SGCE: variants seen among roughly 807,000 people sequenced by gnomAD.
SGCE encodes the protein sarcoglycan epsilon.
Under a neutral mutation model 57.8 loss-of-function variants are expected in SGCE, and 26 were observed. The ratio of observed to expected loss-of-function variants is 0.45; its 90% CI spans 0.33 to 0.62. The LOEUF (loss-of-function observed/expected upper bound fraction) is 0.62, where lower values mean the gene tolerates loss of function less well. Among genes scored for constraint, SGCE ranks in the 20% least tolerant of loss-of-function variants. The pLI is 0.02. For synonymous variants in SGCE, 183 were observed against 189.5 expected (o/e 0.97, Z 0.28); for missense variants, 468 against 548.6 (o/e 0.85, Z 1.47).
At chr7:94,611,118 C>T (rs929403901) in intron 5 of SGCE, among the ~76,000 whole-genome samples, 4 of 152,104 alleles carry the variant, frequency 2.6e-5, no homozygotes, top group African/African-American at 9.7e-5. Flanking sequence ...ACAGAGTTAC[C>T]ATATGACCCA....
At chr7:94,652,441 T>C (rs1348854907) in intron 1 of SGCE, among the ~76,000 whole-genome samples, 1 of 152,200 alleles carries the variant, frequency 6.6e-6, no homozygotes, top group Non-Finnish European at 1.5e-5. Flanking sequence ...ATCTGAATAT[T>C]TGACTTGGGA....
chr7:94,606,315 GCAGGAGGAGCTATATTAATTT>G (rs1245218563), intron 5 of SGCE, among the ~76,000 whole-genome samples: 2 of 152,278 alleles, frequency 1.3e-5, no homozygotes, highest in South Asian at 2.1e-4. Context: ...TAACTAAAAA[GCAGGAGGAGCTATATTAATTT>G]CAGACAGAGC....
At chr7:94,625,676 T>C (rs1161761007) in intron 3 of SGCE, 1 of 152,172 alleles carries the variant, frequency 6.6e-6, no homozygotes, top group Non-Finnish European at 1.5e-5. Context: ...TTTTTTTTAA[T>C]TGAACATTGT....
At chr7:94,633,671 T>TA (rs1805084087) in intron 1 of SGCE, among the ~76,000 whole-genome samples, 1 of 152,180 alleles carries the variant, frequency 6.6e-6, no homozygotes, top group Non-Finnish European at 1.5e-5. Context: ...TGTTTTCCTT[T>TA]ACTAATAGTC....
intron 9 of SGCE, among the ~76,000 whole-genome samples, chr7:94,591,429 C>T (rs748860713): frequency 3.9e-5 from 6 of 152,164 alleles, no homozygotes; most frequent in Non-Finnish European, 5.9e-5. Context: ...CCATCTCTAG[C>T]TCTACCTAGC....
chr7:94,608,478 T>C (rs1365890425), intron 5 of SGCE, among the ~76,000 whole-genome samples: 1 of 152,246 alleles, frequency 6.6e-6, no homozygotes, highest in Non-Finnish European at 1.5e-5. Flanking sequence ...GACTAAATAT[T>C]GTCCATATGC....
intron 8 of SGCE, 75 bp from the exon 9 acceptor site, chr7:94,599,038 T>G: frequency 9.4e-7 from 1 of 1,067,788 alleles, no homozygotes; most frequent in Non-Finnish European, 1.4e-6. Context: ...TTTGAAAAAC[T>G]TATGAAGTAT....
Position 94,619,024 on chromosome 7 carries a change from C to CA in SGCE, c.464-69dup, listed in dbSNP as rs367909397. 22 of 1,156,458 alleles carry CA rather than the reference C, an allele frequency of 1.9e-5. 2 individuals are homozygous for CA. In the African/African-American group the frequency reaches 2.9e-4, roughly 15 times the overall value. 71.6% of individuals were successfully genotyped at this position (1,156,458 alleles called of 1,614,324 possible). A position where few individuals can be genotyped will look rare whatever the true frequency, so the allele number is the denominator to read the frequency against. The stretch of plus-strand genomic sequence containing the variant: ...GTCTTTTAAAAAGGAAACAAAAGAA[C>CA]AATTTGCGATTTGTTGAGTTCTGTC... On this transcript the variant is annotated intron_variant, in intron 4 of 10. Coordinates refer to ENST00000648936, the MANE Select transcript of SGCE (RefSeq NM_003919.3).
chr7:94,588,955 G>C, intron 9 of SGCE: 1 of 557,086 alleles, frequency 1.8e-6, no homozygotes, highest in Non-Finnish European at 3.2e-6. Flanking sequence ...TTCACTGCGG[G>C]CTATACTCTA....
chr7:94,599,494 G>T (rs1467072848), intron 8 of SGCE: 3 of 580,288 alleles, frequency 5.2e-6, no homozygotes, highest in Non-Finnish European at 9.2e-6. Context: ...TTTTATCTGT[G>T]TAATCTTAGT....
intron 7 of SGCE, 181 bp downstream of exon 7, chr7:94,600,465 T>C: frequency 1.7e-6 from 1 of 581,366 alleles, no homozygotes; most frequent in Non-Finnish European, 3.0e-6. Context: ...CCTAATTTGA[T>C]TTACTAGACT....
At chr7:94,640,428 T>G (rs1806220543) in intron 1 of SGCE, among the ~76,000 whole-genome samples, 1 of 152,134 alleles carries the variant, frequency 6.6e-6, no homozygotes, top group South Asian at 2.1e-4. Flanking sequence ...TTGATCCTGT[T>G]TTTCACCATC....
At chr7:94,655,510 C>A (rs1808494208) in intron 1 of SGCE, among the ~76,000 whole-genome samples, 1 of 151,936 alleles carries the variant, frequency 6.6e-6, no homozygotes. Flanking sequence ...TGTTCTCTAC[C>A]ACTATCAAGA....
chr7:94,641,459 G>A (rs550354061), intron 1 of SGCE, among the ~76,000 whole-genome samples: 1 of 152,228 alleles, frequency 6.6e-6, no homozygotes, highest in East Asian at 1.9e-4. Flanking sequence ...TCTAAATAGA[G>A]GAAAAGATGT....
At chr7:94,639,229 T>C (rs2117035841) in intron 1 of SGCE, 1 of 661,490 alleles carries the variant, frequency 1.5e-6, no homozygotes, top group East Asian at 2.7e-5. Flanking sequence ...TTTTCAGACT[T>C]ACTAACAACA....
Position 94,585,267 on chromosome 7 carries a change from T to G in SGCE, c.*232A>C. ...ATTTATTTTAAAGATCAACTTTTAT[T>G]GTAACAAATATAAAGTCATCAATGT... On this transcript the variant is annotated 3_prime_UTR_variant, in exon 11 of 11. Transcript: ENST00000648936. The G allele has an allele frequency of 2.2e-6, 1 of 460,868 alleles. No homozygotes were observed. The highest frequency in any genetic ancestry group is 3.9e-6 in the Non-Finnish European group (1 of 258,620). The allele number at this position is 460,868 out of a possible 1,614,324, so 28.5% of individuals were successfully genotyped here. A position where few individuals can be genotyped will look rare whatever the true frequency, so the allele number is the denominator to read the frequency against.
At chr7:94,612,934 C>T (rs1207697174) in intron 5 of SGCE, among the ~76,000 whole-genome samples, 1 of 152,176 alleles carries the variant, frequency 6.6e-6, no homozygotes, top group East Asian at 1.9e-4. Flanking sequence ...TGAAATAACT[C>T]TCATACACAC....
intron 8 of SGCE, 113 bp from the exon 9 acceptor site, chr7:94,599,076 A>G (rs1203628737): frequency 1.3e-6 from 1 of 752,928 alleles, no homozygotes; most frequent in Non-Finnish European, 2.2e-6. Flanking sequence ...ATAAGACATT[A>G]TGGCACTTTG....
intron 1 of SGCE, among the ~76,000 whole-genome samples, chr7:94,632,426 A>T (rs1463314802): frequency 6.6e-6 from 1 of 152,082 alleles, no homozygotes; most frequent in Admixed American, 6.6e-5. Flanking sequence ...TGAAGATGAC[A>T]AGCACATTTC....
Sources: gnomAD v4.1 joint callset for allele counts (sites outside exome capture counted in the v4.1 genomes callset) on GRCh38, gnomAD v4.1.1 for gene constraint, MANE v1.5 for transcripts, NCBI Gene and HGNC (gene_info 2026-07-23, HGNC 2026-07-21) for gene names.